Variants in ABCC4 observed in about 807,000 individuals in gnomAD.
ABCC4 encodes ATP-binding cassette sub-family C member 4.
In ABCC4, 102 loss-of-function variants were observed where a neutral mutation model predicts 168.5. The ratio of observed to expected loss-of-function variants is 0.61; its 90% confidence interval spans 0.52 to 0.71. The LOEUF (loss-of-function observed/expected upper bound fraction) is 0.71. Ranked by LOEUF, ABCC4 falls within the 30% of genes least tolerant of loss-of-function variation. The probability of loss-of-function intolerance (pLI) is 0.00; values close to 1 mark genes in which losing one functional copy is unlikely to be tolerated. For missense variants in ABCC4, 1,402 were observed against 1,605.8 expected, an observed-to-expected ratio of 0.87 and a Z score of 2.17; for synonymous variants, 617 against 590.7, an observed-to-expected ratio of 1.04 and a Z score of -0.65.
At chr13:95,035,336 C>A (rs752605081) in intron 29 of ABCC4, among the ~76,000 whole-genome samples, 1 of 152,186 alleles carries the variant, frequency 6.6e-6, no homozygotes, top group Non-Finnish European at 1.5e-5. Flanking sequence ...ATTCTGAAAT[C>A]GGCTCTGGGT....
At chr13:95,027,006 C>T (rs1566353486) in intron 30 of ABCC4, among the ~76,000 whole-genome samples, 1 of 152,260 alleles carries the variant, frequency 6.6e-6, no homozygotes, top group South Asian at 2.1e-4. Context: ...AAGGCTGCAA[C>T]ATACTAAGTG....
intron 6 of ABCC4, 96 bp from the exon 7 acceptor site, chr13:95,208,021 T>A: frequency 7.0e-7 from 1 of 1,431,800 alleles, no homozygotes; most frequent in Non-Finnish European, 9.5e-7. Flanking sequence ...CATGGTTCCC[T>A]ACAGCGCTTT....
intron 1 of ABCC4, among the ~76,000 whole-genome samples, chr13:95,290,579 C>T (rs771293353): frequency 2.0e-5 from 3 of 152,010 alleles, no homozygotes; most frequent in Non-Finnish European, 4.4e-5. Context: ...GTGCCACATG[C>T]CTATAATCCC....
At chr13:95,225,149 TCTCTCACACACACACACACA>T (rs149823350) in intron 4 of ABCC4, among the ~76,000 whole-genome samples, 23,995 of 100,154 alleles carry the variant, frequency 0.24, 2,413 homozygotes, top group East Asian at 0.34. Context: ...TGTCTCTCTC[TCTCTCACACACACACACACA>T]CACACACACA....
At chr13:95,175,860 TG>T (rs2037663909) in intron 13 of ABCC4, among the ~76,000 whole-genome samples, 1 of 152,190 alleles carries the variant, frequency 6.6e-6, no homozygotes, top group Admixed American at 6.5e-5. Flanking sequence ...CCCCCCAGCC[TG>T]TGGCATTTTG....
At chr13:95,167,217 A>C (rs533337043) in intron 14 of ABCC4, among the ~76,000 whole-genome samples, 1 of 151,582 alleles carries the variant, frequency 6.6e-6, no homozygotes, top group African/African-American at 2.4e-5. Flanking sequence ...TAAATAAATA[A>C]ATAATTGCCC....
intron 20 of ABCC4, among the ~76,000 whole-genome samples, chr13:95,097,764 A>T (rs557486698): frequency 0.13 from 7,594 of 58,328 alleles, 229 homozygotes; most frequent in Middle Eastern, 0.27. Flanking sequence ...AGGTTTTTTA[A>T]AAAAAAAAAA....
chr13:95,151,285 G>A (rs2036665244), intron 19 of ABCC4, among the ~76,000 whole-genome samples: 1 of 151,930 alleles, frequency 6.6e-6, no homozygotes, highest in South Asian at 2.1e-4. Context: ...ATACCAGTCT[G>A]GCCAACATGG....
At chr13:95,270,891 C>T (rs760978614) in intron 1 of ABCC4, among the ~76,000 whole-genome samples, 12 of 152,194 alleles carry the variant, frequency 7.9e-5, no homozygotes, top group Admixed American at 2.0e-4. Flanking sequence ...GTCAGGAGAT[C>T]GAGACTATCC....
At chr13:95,138,487 T>C (rs146833119) in intron 19 of ABCC4, among the ~76,000 whole-genome samples, 2 of 152,280 alleles carry the variant, frequency 1.3e-5, no homozygotes, top group African/African-American at 4.8e-5. Flanking sequence ...AAGTGTCAGA[T>C]AGTTACAAAA....
chr13:95,277,822 T>TC (rs2041009938), intron 1 of ABCC4, among the ~76,000 whole-genome samples: 2 of 152,128 alleles, frequency 1.3e-5, no homozygotes, highest in East Asian at 3.9e-4. Flanking sequence ...ACAAAACGTG[T>TC]CCCGCAGAAG....
chr13:95,075,395 T>C, intron 22 of ABCC4, 37 bp downstream of exon 22: 1 of 1,613,370 alleles, frequency 6.2e-7, no homozygotes, highest in Non-Finnish European at 8.5e-7. Context: ...AAGCAGCAGA[T>C]CCTGTCCTTT....
rs565036992 is a variant in ABCC4 at position 95,179,157 on chromosome 13, G to A, written c.1546-1066C>T. Reference sequence around the variant, plus strand: ...GTGAGGGCTGTCAGCATAAAGCCACGGGACTTACTAAGGAACAACTGTGTC... The same window carrying A: ...GTGAGGGCTGTCAGCATAAAGCCACAGGACTTACTAAGGAACAACTGTGTC... On this transcript the variant is annotated intron_variant, in intron 11 of 30. Transcript: ENST00000645237. 7.9e-5 allele frequency among the ~76,000 whole-genome samples: 12 copies of A among 152,286 alleles called. 1 individual carries two copies. In the South Asian group the frequency reaches 1.7e-3, roughly 21 times the overall value.
intron 20 of ABCC4, among the ~76,000 whole-genome samples, chr13:95,108,870 C>T (rs987168070): frequency 2.0e-5 from 3 of 152,040 alleles, no homozygotes; most frequent in African/African-American, 7.2e-5. Context: ...ATACAATGTG[C>T]CCCTCCCTCA....
chr13:95,245,432 C>G (rs1453800265), intron 3 of ABCC4, among the ~76,000 whole-genome samples: 2 of 152,240 alleles, frequency 1.3e-5, no homozygotes, highest in African/African-American at 4.8e-5. Context: ...CCTGCACACA[C>G]TGGCCACATT....
chr13:95,072,174 T>A lies in ABCC4; in HGVS notation c.3019-321A>T, dbSNP rs143730240. ...CTTAGAGCCACCAATCAAGAATCTT[T>A]TGCTGGCTGGGCGCGGTGGCTCATG... On this transcript the variant is annotated intron_variant, in intron 24 of 30. Transcript: ENST00000645237. Among the ~76,000 whole-genome samples the A allele has an allele frequency of 2.1e-3, 321 of 152,306 alleles. 1 individual carries two copies. Among genetic ancestry groups the A allele is most frequent in the Admixed American group, 5.3e-3 (81 of 15,282 alleles).
intron 5 of ABCC4, 63 bp downstream of exon 5, chr13:95,210,629 A>C: frequency 7.2e-7 from 1 of 1,392,172 alleles, no homozygotes; most frequent in East Asian, 2.3e-5. Context: ...GCCTCCAGAA[A>C]GAATAAAAGG....
intron 4 of ABCC4, among the ~76,000 whole-genome samples, chr13:95,232,655 C>G (rs538154614): frequency 6.8e-6 from 1 of 147,656 alleles, no homozygotes; most frequent in African/African-American, 2.5e-5. Flanking sequence ...CCAGCCTGGG[C>G]GACAGAGCAA....
intron 7 of ABCC4, 52 bp downstream of exon 7, chr13:95,207,747 GA>G (rs1338737235): frequency 3.5e-5 from 55 of 1,565,804 alleles, no homozygotes; most frequent in Non-Finnish European, 4.3e-5. Context: ...CCATCAACAA[GA>G]ATAGCAAATA....
Sources: gnomAD v4.1 joint callset for allele counts (sites outside exome capture counted in the v4.1 genomes callset) on GRCh38, gnomAD v4.1.1 for gene constraint, MANE v1.5 for transcripts, NCBI Gene and HGNC (gene_info 2026-07-23, HGNC 2026-07-21) for gene names.